The following CYP2C19 variants were observed in gnomAD, a reference collection of about 807,000 sequenced individuals.
CYP2C19 encodes the protein cytochrome P450 family 2 subfamily C member 19, also known as cytochrome P450 2C19.
A neutral mutation model predicts 40.9 loss-of-function variants in CYP2C19; 59 were observed. That is an observed-to-expected ratio of 1.44 (90% CI 1.17 to 1.79). CYP2C19 has a LOEUF of 1.79. Ranked by LOEUF, CYP2C19 falls within the 40% of genes most tolerant of loss-of-function variation. The pLI, the probability that CYP2C19 is intolerant of heterozygous loss-of-function variation, is 0.00. For missense variants in CYP2C19, 754 were observed against 596.9 expected, an observed-to-expected ratio of 1.26 and a Z score of -2.74; for synonymous variants, 253 against 208.7, an observed-to-expected ratio of 1.21 and a Z score of -1.83.
At chr10:94,783,928 C>T (rs1436235235) in intron 5 of CYP2C19, among the ~76,000 whole-genome samples, 1 of 152,142 alleles carries the variant, frequency 6.6e-6, no homozygotes, top group Non-Finnish European at 1.5e-5. Context: ...ACACAACATA[C>T]AATTAACCAG....
At chr10:94,792,847 T>C (rs1198961782) in intron 5 of CYP2C19, among the ~76,000 whole-genome samples, 1 of 152,134 alleles carries the variant, frequency 6.6e-6, no homozygotes, top group Non-Finnish European at 1.5e-5. Flanking sequence ...GTTGCTCTTC[T>C]CGAGGAGTAT....
intron 5 of CYP2C19, among the ~76,000 whole-genome samples, chr10:94,790,674 C>CT (rs1252646447): frequency 1.3e-5 from 2 of 152,112 alleles, no homozygotes; most frequent in African/African-American, 2.4e-5. Context: ...TTGAAAAAGC[C>CT]TTGCATCCCC....
At chr10:94,837,924 T>A (rs1401151769) in intron 6 of CYP2C19, among the ~76,000 whole-genome samples, 1 of 152,208 alleles carries the variant, frequency 6.6e-6, no homozygotes, top group Non-Finnish European at 1.5e-5. Context: ...GGCAGCTTAC[T>A]TCTACTTGGA....
intron 1 of CYP2C19, among the ~76,000 whole-genome samples, chr10:94,769,024 C>T (rs181100893): frequency 1.3e-5 from 2 of 152,208 alleles, no homozygotes; most frequent in East Asian, 3.9e-4. Context: ...CCAAGGAATG[C>T]CCACAATTGT....
In CYP2C19 at chr10:94,837,909, G is replaced by A. The variant is rs530769852; in HGVS notation, c.962-4928G>A. ...TTCCCTTGACATAAGGGGCATGGAC[G>A]AGGGGGCAGCTTACTTCTACTTGGA... On this transcript the variant is annotated intron_variant, in intron 6 of 8. Transcript: ENST00000371321. Among the ~76,000 whole-genome samples the A allele has an allele frequency of 1.6e-3, 249 of 152,304 alleles. 1 individual carries two copies. Among genetic ancestry groups the A allele is most frequent in the Non-Finnish European group, 8.7e-4 (59 of 68,020 alleles).
intron 6 of CYP2C19, among the ~76,000 whole-genome samples, chr10:94,836,760 G>T (rs937612190): frequency 6.6e-5 from 10 of 152,218 alleles, no homozygotes; most frequent in Non-Finnish European, 1.3e-4. Context: ...TGAGCCTTTG[G>T]TTTGGAAATC....
intron 6 of CYP2C19, among the ~76,000 whole-genome samples, chr10:94,838,141 CTTCCTAGTT>C (rs1294429166): frequency 1.3e-5 from 2 of 152,150 alleles, no homozygotes; most frequent in African/African-American, 4.8e-5. Flanking sequence ...AATTCATAGT[CTTCCTAGTT>C]TTCCTTAGTC....
At chr10:94,784,184 T>C (rs2134241832) in intron 5 of CYP2C19, among the ~76,000 whole-genome samples, 1 of 152,310 alleles carries the variant, frequency 6.6e-6, no homozygotes, top group Non-Finnish European at 1.5e-5. Context: ...TCCTTACACT[T>C]ACAATGTTTT....
At position 94,775,416 on chromosome 10, in the gene CYP2C19, T is replaced by C. The variant is rs41291556; in HGVS notation, c.358T>C (p.Trp120Arg). ...AATCGTTTTCAGCAATGGAAAGAGATGGAAGGAGATCCGGCGTTTCTCCCT... is the reference window on the plus strand; with the variant it reads ...AATCGTTTTCAGCAATGGAAAGAGACGGAAGGAGATCCGGCGTTTCTCCCT... ...FGIVFSNGKR[W>R]KEIRRFSLMT... Residue 120 changes from tryptophan (W) to arginine (R), a missense_variant, in exon 3 of 9, where the codon TGG (tryptophan) becomes CGG (arginine). Physicochemically the swap from Trp to Arg is moderately radical, Grantham distance 101 (BLOSUM62 -3). Transcript: ENST00000371321. 3,867 of 1,614,036 alleles carry C rather than the reference T, an allele frequency of 2.4e-3. 12 individuals are homozygous for C. Among genetic ancestry groups the C allele is most frequent in the Non-Finnish European group, 3.0e-3 (3,552 of 1,180,018 alleles).
At position 94,804,796 on chromosome 10, in the gene CYP2C19, A is replaced by G. The variant is rs141455308; in HGVS notation, c.820-15700A>G. 3.1e-3 allele frequency among the ~76,000 whole-genome samples: 472 copies of G among 152,240 alleles called. 3 individuals carry two copies. The highest frequency in any genetic ancestry group is 0.011 in the African/African-American group (449 of 41,546). The stretch of plus-strand genomic sequence containing the variant: ...TTTTCTTCTTGAATTTAAGCTTACA[A>G]AGTTGATCTTTATGTACTGTGCTAT... On this transcript the variant is annotated intron_variant, in intron 5 of 8. Transcript: ENST00000371321.
At chr10:94,847,473 A>T (rs1849589769) in intron 7 of CYP2C19, among the ~76,000 whole-genome samples, 1 of 152,076 alleles carries the variant, frequency 6.6e-6, no homozygotes, top group Non-Finnish European at 1.5e-5. Context: ...AATCCAGTCT[A>T]TCATTGTTGG....
At chr10:94,800,482 G>T (rs1848748317) in intron 5 of CYP2C19, among the ~76,000 whole-genome samples, 1 of 152,212 alleles carries the variant, frequency 6.6e-6, no homozygotes, top group Admixed American at 6.5e-5. Context: ...CGGGGTTCAG[G>T]TACCCACTTG....
At chr10:94,840,584 A>G (rs1849476969) in intron 6 of CYP2C19, among the ~76,000 whole-genome samples, 1 of 152,198 alleles carries the variant, frequency 6.6e-6, no homozygotes, top group African/African-American at 2.4e-5. Context: ...TTTTGGGGCT[A>G]CACTTTAAAG....
At chr10:94,781,346 T>A (rs1848476361) in intron 4 of CYP2C19, among the ~76,000 whole-genome samples, 1 of 152,138 alleles carries the variant, frequency 6.6e-6, no homozygotes, top group South Asian at 2.1e-4. Context: ...GAATTTGAAG[T>A]ATCTTTGAGC....
intron 5 of CYP2C19, among the ~76,000 whole-genome samples, chr10:94,811,890 T>C (rs1389663596): frequency 6.6e-6 from 1 of 152,178 alleles, no homozygotes; most frequent in African/African-American, 2.4e-5. Context: ...AGGTTAATAT[T>C]GTGTGTGGAT....
At chr10:94,812,130 A>C (rs1168592794) in intron 5 of CYP2C19, among the ~76,000 whole-genome samples, 1 of 152,162 alleles carries the variant, frequency 6.6e-6, no homozygotes, top group Non-Finnish European at 1.5e-5. Flanking sequence ...TCCTTTGCCT[A>C]TGAAGCTTAA....
At chr10:94,767,148 C>G (rs1244576375) in intron 1 of CYP2C19, among the ~76,000 whole-genome samples, 3 of 152,118 alleles carry the variant, frequency 2.0e-5, no homozygotes, top group African/African-American at 7.2e-5. Context: ...ATTTCGGATT[C>G]TCAACAAGGT....
intron 1 of CYP2C19, among the ~76,000 whole-genome samples, chr10:94,771,252 G>A (rs1429744125): frequency 6.6e-6 from 1 of 151,950 alleles, no homozygotes; most frequent in Admixed American, 6.5e-5. Context: ...AGATTTCTTT[G>A]CTTATTTCCT....
At chr10:94,828,657 A>G (rs913028764) in intron 6 of CYP2C19, among the ~76,000 whole-genome samples, 4 of 150,278 alleles carry the variant, frequency 2.7e-5, no homozygotes, top group South Asian at 4.3e-4. Flanking sequence ...CATTTAGTCC[A>G]TTTACATTTA....
Sources: gnomAD v4.1 joint callset for allele counts (sites outside exome capture counted in the v4.1 genomes callset) on GRCh38, gnomAD v4.1.1 for gene constraint, MANE v1.5 for transcripts, NCBI Gene and HGNC (gene_info 2026-07-23, HGNC 2026-07-21) for gene names.